The following AKAP6 variants were observed in gnomAD, a reference collection of about 807,000 sequenced individuals.
The protein encoded by AKAP6 is A-kinase anchoring protein 6.
Under a neutral mutation model 188.5 loss-of-function variants are expected in AKAP6, and 58 were observed. The observed-to-expected ratio is 0.31, with a 90% CI of 0.25 to 0.38. The LOEUF (loss-of-function observed/expected upper bound fraction) is 0.38. Among genes scored for constraint, AKAP6 ranks in the 10% least tolerant of loss-of-function variants. AKAP6 has a pLI of 1.00. For missense variants in AKAP6, 2,710 were observed against 2,740.0 expected, an observed-to-expected ratio of 0.99 and a Z score of 0.24; for synonymous variants, 989 against 998.6, an observed-to-expected ratio of 0.99 and a Z score of 0.18.
At chr14:32,503,954 A>G (rs113356094) in intron 2 of AKAP6, among the ~76,000 whole-genome samples, 106 of 151,916 alleles carry the variant, frequency 7.0e-4, no homozygotes, top group African/African-American at 2.5e-3. Flanking sequence ...ATTAACATAT[A>G]TTAATGCATT....
At chr14:32,645,079 G>T (rs904359925) in intron 7 of AKAP6, among the ~76,000 whole-genome samples, 7 of 152,212 alleles carry the variant, frequency 4.6e-5, no homozygotes, top group African/African-American at 1.7e-4. Context: ...GCTAAAGGTG[G>T]TGCTATTATC....
At chr14:32,540,131 GCTCTCTCTCTCTCTCTCTCT>G (rs1216788649) in intron 3 of AKAP6, among the ~76,000 whole-genome samples, 2 of 66,504 alleles carry the variant, frequency 3.0e-5, no homozygotes, top group Admixed American at 2.3e-4. Context: ...TTGCTCGTGC[GCTCTCTCTCTCTCTCTCTCT>G]CTCTCTCTCT....
intron 12 of AKAP6, among the ~76,000 whole-genome samples, chr14:32,807,558 A>G (rs1274623964): frequency 6.6e-6 from 1 of 152,158 alleles, no homozygotes; most frequent in Admixed American, 6.5e-5. Flanking sequence ...GTTCTGAAAA[A>G]AGTCTAGTGA....
At chr14:32,354,301 A>AC (rs1887405207) in intron 1 of AKAP6, among the ~76,000 whole-genome samples, 1 of 152,114 alleles carries the variant, frequency 6.6e-6, no homozygotes, top group African/African-American at 2.4e-5. Context: ...GTCTCAAAAA[A>AC]AAAAAAAAGT....
chr14:32,396,945 A>G (rs1026679602), intron 1 of AKAP6, among the ~76,000 whole-genome samples: 2 of 152,202 alleles, frequency 1.3e-5, no homozygotes, highest in Non-Finnish European at 2.9e-5. Context: ...AAACAAACAG[A>G]CAAACAAAAA....
At chr14:32,483,865 G>A (rs1178409075) in intron 2 of AKAP6, among the ~76,000 whole-genome samples, 5 of 151,836 alleles carry the variant, frequency 3.3e-5, no homozygotes, top group African/African-American at 9.7e-5. Flanking sequence ...GGCTATGGTG[G>A]TGGCTGCACC....
chr14:32,683,880 G>A (rs1237996049), intron 8 of AKAP6, among the ~76,000 whole-genome samples: 1 of 152,132 alleles, frequency 6.6e-6, no homozygotes, highest in Non-Finnish European at 1.5e-5. Flanking sequence ...AATAGTCCCT[G>A]AGCTAAGACA....
At chr14:32,399,833 A>G (rs867122258) in intron 1 of AKAP6, among the ~76,000 whole-genome samples, 23 of 152,256 alleles carry the variant, frequency 1.5e-4, no homozygotes, top group Admixed American at 5.9e-4. Context: ...AGCTTGTTTT[A>G]TAGCTCTTCC....
At chr14:32,768,262 T>C (rs1310702841) in intron 11 of AKAP6, among the ~76,000 whole-genome samples, 1 of 152,226 alleles carries the variant, frequency 6.6e-6, no homozygotes, top group Non-Finnish European at 1.5e-5. Context: ...ATTAACATTA[T>C]CTGTACCTGA....
chr14:32,716,584 T>G (rs2030216332), intron 9 of AKAP6, among the ~76,000 whole-genome samples: 1 of 148,612 alleles, frequency 6.7e-6, no homozygotes, highest in Non-Finnish European at 1.5e-5. Flanking sequence ...TATTCCTGTC[T>G]TTTAGAAAAT....
chr14:32,821,374 T>C, intron 12 of AKAP6, 28 bp from the exon 13 acceptor site: 1 of 1,544,102 alleles, frequency 6.5e-7, no homozygotes, highest in Admixed American at 2.1e-5. Flanking sequence ...CTAATTCTTC[T>C]CCTTTTCTTT....
At chr14:32,592,411 A>AGAAG (rs1476384717) in intron 5 of AKAP6, among the ~76,000 whole-genome samples, 4 of 152,190 alleles carry the variant, frequency 2.6e-5, no homozygotes, top group African/African-American at 9.6e-5. Context: ...AGCTTGCTAG[A>AGAAG]GAAGGTCACA....
chr14:32,798,902 C>CTTCATAGGTA (rs1418079996), intron 12 of AKAP6, among the ~76,000 whole-genome samples: 11 of 152,034 alleles, frequency 7.2e-5, no homozygotes, highest in Non-Finnish European at 8.8e-5. Context: ...ATAATACCTG[C>CTTCATAGGTA]TTCATAGGTA....
At position 32,821,822 on chromosome 14, in the gene AKAP6, C is replaced by T; in HGVS notation, c.4009C>T (p.Pro1337Ser). 1.2e-6 allele frequency: 2 copies of T among 1,613,790 alleles called. No homozygotes were observed. Among genetic ancestry groups the T allele is most frequent in the Non-Finnish European group, 1.7e-6 (2 of 1,179,920 alleles). The change falls in exon 13 of 14, where the codon CCA becomes TCA. Residue 1337 changes from proline (P) to serine (S), a missense_variant. Physicochemically the swap from Pro to Ser is moderately conservative, Grantham distance 74 (BLOSUM62 -1). This residue lies in a region of AKAP6 where 2,473 missense variants were observed against 2,426.1 expected (regional missense o/e 1.02). Coordinates refer to ENST00000280979, the MANE Select transcript of AKAP6 (RefSeq NM_004274.5). The stretch of plus-strand genomic sequence containing the variant: ...TTCATTTTCATCTACCAAATCTTTG[C>T]CAGATCTTCTAGGTGGTTCCAATTT... ...DSSFSSTKSL[P>S]DLLGGSNLVK...
At chr14:32,810,857 C>A (rs1197008792) in intron 12 of AKAP6, among the ~76,000 whole-genome samples, 3 of 151,992 alleles carry the variant, frequency 2.0e-5, no homozygotes, top group Admixed American at 1.3e-4. Context: ...CATAGCTGAC[C>A]CACCTATTAA....
intron 2 of AKAP6, among the ~76,000 whole-genome samples, chr14:32,477,480 T>C (rs1879128296): frequency 6.6e-6 from 1 of 152,082 alleles, no homozygotes; most frequent in South Asian, 2.1e-4. Context: ...AGAGGAAAGC[T>C]GAGATTGGGG....
intron 1 of AKAP6, among the ~76,000 whole-genome samples, chr14:32,405,759 C>A (rs2138631258): frequency 6.6e-6 from 1 of 152,170 alleles, no homozygotes; most frequent in South Asian, 2.1e-4. Context: ...CTGCTAGCAC[C>A]CATTCTCTCT....
At chr14:32,773,110 T>C (rs541434590) in intron 11 of AKAP6, among the ~76,000 whole-genome samples, 1 of 152,266 alleles carries the variant, frequency 6.6e-6, no homozygotes, top group South Asian at 2.1e-4. Context: ...TAATTTTCGC[T>C]TTCAGAACAT....
At chr14:32,384,170 G>A (rs1263845236) in intron 1 of AKAP6, among the ~76,000 whole-genome samples, 2 of 152,208 alleles carry the variant, frequency 1.3e-5, no homozygotes, top group African/African-American at 2.4e-5. Context: ...CTGTTGAAAT[G>A]AGGCTATAGG....
Sources: allele counts gnomAD v4.1 joint callset (sites outside exome capture counted in the v4.1 genomes callset), GRCh38; gene constraint gnomAD v4.1.1; regional missense constraint gnomAD v4.1.1; transcripts MANE v1.5; gene names NCBI Gene and HGNC (gene_info 2026-07-23, HGNC 2026-07-21).